The following APC variants were observed in gnomAD, a reference collection of about 807,000 sequenced individuals.
APC encodes the protein APC regulator of Wnt signaling pathway.
APC carries 72 observed loss-of-function variants against 247.0 expected under a neutral mutation model. The ratio of observed to expected loss-of-function variants is 0.29; its 90% CI spans 0.24 to 0.35. The LOEUF is 0.35. Ranked by LOEUF, APC falls within the 10% of genes least tolerant of loss-of-function variation. The probability of loss-of-function intolerance (pLI) is 1.00; values close to 1 mark genes in which losing one functional copy is unlikely to be tolerated. For synonymous variants in APC, 1,254 were observed against 1,162.5 expected (o/e 1.08, Z -1.60); for missense variants, 3,400 against 3,360.7 (o/e 1.01, Z -0.29).
chr5:112,785,775 CTGT>C (rs1758870489), intron 6 of APC, among the ~76,000 whole-genome samples: 1 of 152,062 alleles, frequency 6.6e-6, no homozygotes, highest in Non-Finnish European at 1.5e-5. Context: ...AACCAATGAC[CTGT>C]TCAGAAGATG....
chr5:112,818,840 TTTTTGGCGGGGGGGGTTGTTTTG>T, intron 9 of APC, 103 bp from the exon 10 acceptor site: 1 of 889,500 alleles, frequency 1.1e-6, no homozygotes, highest in Non-Finnish European at 1.7e-6. Flanking sequence ...TTTTGTTTTT[TTTTTGGCGGGGGGGGTTGTTTTG>T]TTTTTTTAGA....
At position 112,835,201 on chromosome 5, in the gene APC, G is replaced by T. The variant is rs201721607; in HGVS notation, c.1958+36G>T. On this transcript the variant is annotated intron_variant, in intron 15 of 15. Transcript: ENST00000257430. ...AGTTTTATATTACTTTTAAAGTACAGAATTCATACTCTCAAAAAGACCTAA... is the reference window on the plus strand; with the variant it reads ...AGTTTTATATTACTTTTAAAGTACATAATTCATACTCTCAAAAAGACCTAA... The T allele has an allele frequency of 1.7e-4, 259 of 1,543,084 alleles. 1 individual carries two copies. In the African/African-American group the frequency reaches 2.9e-3, roughly 17 times the overall value.
intron 6 of APC, among the ~76,000 whole-genome samples, chr5:112,792,072 C>T (rs373779901): frequency 1.3e-5 from 2 of 152,076 alleles, no homozygotes; most frequent in East Asian, 3.9e-4. Context: ...ATGGTGAAAC[C>T]CCATCGCTAC....
At chr5:112,833,423 C>T (rs115298681) in intron 14 of APC, among the ~76,000 whole-genome samples, 3 of 151,742 alleles carry the variant, frequency 2.0e-5, no homozygotes, top group African/African-American at 4.9e-5. Context: ...CCTCGTGATC[C>T]GTGCACCTTG....
At chr5:112,715,198 T>A (rs186116456) in intron 1 of APC, among the ~76,000 whole-genome samples, 1 of 152,348 alleles carries the variant, frequency 6.6e-6, no homozygotes, top group East Asian at 1.9e-4. Context: ...AAACCAATTA[T>A]TAATTGAACA....
chr5:112,821,427 A>G (rs1462669745), intron 10 of APC, among the ~76,000 whole-genome samples: 1 of 151,456 alleles, frequency 6.6e-6, no homozygotes, highest in Non-Finnish European at 1.5e-5. Context: ...AGGTCAATTG[A>G]GCCCAGGAAT....
chr5:112,798,637 T>G (rs1015390885), intron 7 of APC, among the ~76,000 whole-genome samples: 1 of 152,154 alleles, frequency 6.6e-6, no homozygotes, highest in African/African-American at 2.4e-5. Context: ...ATGAGGAAAC[T>G]AGTTAGAATT....
chr5:112,727,641 TTAAA>T (rs1581039724), intron 1 of APC, among the ~76,000 whole-genome samples: 2 of 152,314 alleles, frequency 1.3e-5, no homozygotes, highest in South Asian at 2.1e-4. Flanking sequence ...ATCTTAAATA[TTAAA>T]TAAATGATCA....
chr5:112,764,245 C>CAA (rs71683434), intron 2 of APC, among the ~76,000 whole-genome samples: 7 of 105,194 alleles, frequency 6.7e-5, no homozygotes, highest in African/African-American at 1.1e-4. Flanking sequence ...GACTCCGTCT[C>CAA]AAAAAAAAAA....
chr5:112,738,216 T>A, intron 1 of APC: 1 of 954,478 alleles, frequency 1.0e-6, no homozygotes, highest in Non-Finnish European at 1.2e-6. Flanking sequence ...GGTTTTTGTT[T>A]TTATAATGCC....
At chr5:112,815,349 T>C (rs1762385683) in intron 8 of APC, 146 bp from the exon 9 acceptor site, 3 of 580,304 alleles carry the variant, frequency 5.2e-6, no homozygotes, top group Non-Finnish European at 9.2e-6. Flanking sequence ...AGGTAAAAAA[T>C]ATTTTGAACA....
At chr5:112,772,088 A>T (rs768089733) in intron 4 of APC, among the ~76,000 whole-genome samples, 3 of 152,224 alleles carry the variant, frequency 2.0e-5, no homozygotes, top group African/African-American at 7.2e-5. Context: ...AATTTATTTA[A>T]CAAATATTTA....
chr5:112,713,811 C>T (rs1211780345), intron 1 of APC, among the ~76,000 whole-genome samples: 1 of 152,126 alleles, frequency 6.6e-6, no homozygotes, highest in Non-Finnish European at 1.5e-5. Context: ...GCGCCTGCCA[C>T]CACACCCAGC....
Position 112,737,910 on chromosome 5 carries a change from C to G in APC, c.-34C>G. ...ACTGGAGACAGAATGGAGGTGCTGC[C>G]GGACTCGGAAATGGGGTAGGTGCTG... On this transcript the variant is annotated 5_prime_UTR_variant, in exon 1 of 16. Transcript: ENST00000257430. 1 of 985,648 alleles carries G rather than the reference C, an allele frequency of 1.0e-6. No individual in the cohort carries two copies. The highest frequency in any genetic ancestry group is 1.2e-6 in the Non-Finnish European group (1 of 830,156). The allele number at this position is 985,648 out of a possible 1,614,324, so 61.1% of individuals were successfully genotyped here.
intron 11 of APC, chr5:112,823,270 A>G (rs2149796284): frequency 6.5e-6 from 1 of 152,710 alleles, no homozygotes; most frequent in South Asian, 2.1e-4. Context: ...TTCAAAATAA[A>G]ACCTAGACTC....
intron 6 of APC, among the ~76,000 whole-genome samples, chr5:112,787,612 A>G (rs1580405471): frequency 6.6e-6 from 1 of 152,178 alleles, no homozygotes; most frequent in African/African-American, 2.4e-5. Flanking sequence ...TTACTTCCTC[A>G]TATCCCTTGC....
At chr5:112,717,591 C>T (rs913124103) in intron 1 of APC, among the ~76,000 whole-genome samples, 2 of 152,104 alleles carry the variant, frequency 1.3e-5, no homozygotes, top group African/African-American at 4.8e-5. Flanking sequence ...TACTTTATTT[C>T]AGCACATTTC....
intron 1 of APC, among the ~76,000 whole-genome samples, chr5:112,724,567 T>A (rs1489709709): frequency 1.5e-5 from 2 of 131,826 alleles, no homozygotes; most frequent in Non-Finnish European, 3.0e-5. Flanking sequence ...GTGTGGTAAA[T>A]GAGATAGTTG....
intron 1 of APC, among the ~76,000 whole-genome samples, chr5:112,722,741 T>A (rs1305558552): frequency 6.6e-6 from 1 of 152,132 alleles, no homozygotes; most frequent in African/African-American, 2.4e-5. Context: ...GAAGAAGAGA[T>A]GCACAGAGTG....
Sources: gnomAD v4.1 joint callset for allele counts (sites outside exome capture counted in the v4.1 genomes callset) on GRCh38, gnomAD v4.1.1 for gene constraint, MANE v1.5 for transcripts, NCBI Gene and HGNC (gene_info 2026-07-23, HGNC 2026-07-21) for gene names.